C12orf76: variants seen among roughly 807,000 people sequenced by gnomAD.
C12orf76 encodes uncharacterized protein C12orf76.
Under a neutral mutation model 6.8 loss-of-function variants are expected in C12orf76, and 6 were observed. That is an observed-to-expected ratio of 0.88 (90% CI 0.48 to 1.73). The LOEUF (loss-of-function observed/expected upper bound fraction) is 1.73. Among genes scored for constraint, C12orf76 ranks in the 40% most tolerant of loss-of-function variants. The probability of loss-of-function intolerance (pLI) is 0.01; values close to 1 mark genes in which losing one functional copy is unlikely to be tolerated. For missense variants in C12orf76, 99 were observed against 98.2 expected (o/e 1.01, Z -0.03); for synonymous variants, 56 against 43.7 (o/e 1.28, Z -1.11).
At chr12:110,057,125 A>C in intron 4 of C12orf76, 1 of 1,141,016 alleles carries the variant, frequency 8.8e-7, no homozygotes. Context: ...GGTGTCCACC[A>C]TAAAGTTGTT....
chr12:110,042,623 T>C (rs1271413626), intron 1 of C12orf76, 164 bp from the exon 2 acceptor site: 3 of 704,080 alleles, frequency 4.3e-6, no homozygotes, highest in East Asian at 2.7e-5. Context: ...CTAAATATAG[T>C]TGGGGGAGAA....
At chr12:110,069,794 T>C (rs1168389173), upstream of C12orf76, among the ~76,000 whole-genome samples, 1 of 152,244 alleles carries the variant, frequency 6.6e-6, no homozygotes, top group Admixed American at 6.5e-5. Context: ...ATAATTGTAC[T>C]AGTTATATTA....
chr12:110,072,755 T>C (rs940457672), intron 1 of C12orf76, among the ~76,000 whole-genome samples: 13 of 151,840 alleles, frequency 8.6e-5, no homozygotes, highest in African/African-American at 3.1e-4. Flanking sequence ...AAACCCCGTT[T>C]CTACTAAAAA....
upstream of C12orf76, among the ~76,000 whole-genome samples, chr12:110,069,768 G>C (rs1421415008): frequency 6.6e-6 from 1 of 152,078 alleles, no homozygotes; most frequent in Non-Finnish European, 1.5e-5. Flanking sequence ...CTTACTCCAG[G>C]GAACCCAGTT....
Position 110,048,435 on chromosome 12 carries a change from C to T in C12orf76, c.61G>A (p.Ala21Thr). 6.6e-7 allele frequency: 1 copy of T among 1,509,166 alleles called. No individual in the cohort carries two copies. Among genetic ancestry groups the T allele is most frequent in the Admixed American group, 2.1e-5 (1 of 48,410 alleles). 93.5% of individuals were successfully genotyped at this position (1,509,166 alleles called of 1,614,324 possible). A position where few individuals can be genotyped will look rare whatever the true frequency, so the allele number is the denominator to read the frequency against. ...LGLCSLLVGE[A>T]EAPSPVDPLE... ...GGATCCACGGGGCTCGGGGCCTCTG[C>T]CTCCCCCACCAGGAGGCTGCAGAGG... Residue 21 changes from alanine (A) to threonine (T), a missense_variant, in exon 1 of 2, where the codon GCA (alanine) becomes ACA (threonine). Physicochemically the swap from Ala to Thr is moderately conservative, Grantham distance 58. Coordinates refer to ENST00000615315, the MANE Select transcript of C12orf76 (RefSeq NM_001389625.1).
rs1330774255 is a variant in C12orf76 at position 110,041,384 on chromosome 12, T to C, written c.*990A>G. 6.6e-6 allele frequency: 1 copy of C among 152,618 alleles called. No individual in the cohort carries two copies. Among genetic ancestry groups the C allele is most frequent in the Non-Finnish European group, 1.5e-5 (1 of 68,048 alleles). 9.5% of individuals were successfully genotyped at this position (152,618 alleles called of 1,614,324 possible). A position where few individuals can be genotyped will look rare whatever the true frequency, so the allele number is the denominator to read the frequency against. ...TTCAATTTAATAACAAAATTAAATC[T>C]AGCACCTTGAAATAAATATTGACGA... On this transcript the variant is annotated 3_prime_UTR_variant, in exon 2 of 2. Coordinates refer to ENST00000615315, the MANE Select transcript of C12orf76 (RefSeq NM_001389625.1).
At chr12:110,060,263 A>G (rs1892747506) in intron 2 of C12orf76, among the ~76,000 whole-genome samples, 1 of 151,926 alleles carries the variant, frequency 6.6e-6, no homozygotes, top group Admixed American at 6.6e-5. Context: ...TTCTCTTACC[A>G]CCACTCCATG....
upstream of C12orf76, among the ~76,000 whole-genome samples, chr12:110,068,247 AAAG>A (rs4042063): frequency 0.049 from 3,132 of 63,480 alleles, 52 homozygotes; most frequent in African/African-American, 0.052. Flanking sequence ...GAAGAAGAAG[AAAG>A]AAGAAGAAGA....
chr12:110,066,039 T>C, intron 1 of C12orf76: 1 of 1,565,282 alleles, frequency 6.4e-7, no homozygotes, highest in Non-Finnish European at 8.6e-7. Flanking sequence ...ATCACCTAGG[T>C]GTCAAGGGTG....
At chr12:110,045,937 C>T in intron 1 of C12orf76, 2 of 218,338 alleles carry the variant, frequency 9.2e-6, no homozygotes, top group Non-Finnish European at 2.0e-5. Flanking sequence ...CCAGATTGGG[C>T]AACAGAGTGA....
chr12:110,061,269 C>T (rs1002783629), intron 2 of C12orf76, among the ~76,000 whole-genome samples: 1 of 152,064 alleles, frequency 6.6e-6, no homozygotes, highest in Non-Finnish European at 1.5e-5. Context: ...TATTCCAGCA[C>T]CTATCAGTTG....
upstream of C12orf76, among the ~76,000 whole-genome samples, chr12:110,068,307 GAAGAAGAAGAAGAAGAAGAAGA>G (rs1566080218): frequency 4.1e-5 from 6 of 146,086 alleles, no homozygotes; most frequent in African/African-American, 1.5e-4. Context: ...AGAAGAAGAA[GAAGAAGAAGAAGAAGAAGAAGA>G]AGGCGGCCAA....
intron 1 of C12orf76, chr12:110,066,108 C>T (rs1288375503): frequency 1.2e-5 from 17 of 1,406,260 alleles, no homozygotes; most frequent in African/African-American, 1.2e-4. Context: ...AGGGGCAGGC[C>T]GGGCGCGGTA....
At chr12:110,042,668 T>C in intron 1 of C12orf76, 1 of 672,530 alleles carries the variant, frequency 1.5e-6, no homozygotes, top group Non-Finnish European at 2.7e-6. Flanking sequence ...TAGCTTGATA[T>C]ACCGTGAAAA....
intron 1 of C12orf76, among the ~76,000 whole-genome samples, chr12:110,066,708 C>G (rs995902172): frequency 1.3e-5 from 2 of 148,476 alleles, no homozygotes; most frequent in African/African-American, 4.9e-5. Context: ...AAAAAAAAAT[C>G]GGGAGCAGAG....
intron 1 of C12orf76, among the ~76,000 whole-genome samples, chr12:110,073,182 C>T (rs1593253709): frequency 6.6e-6 from 1 of 152,108 alleles, no homozygotes; most frequent in East Asian, 1.9e-4. Flanking sequence ...CTCTCCCTGG[C>T]GGGCCTGGAG....
At chr12:110,052,987 G>A (rs1405050652), upstream of C12orf76, among the ~76,000 whole-genome samples, 1 of 147,704 alleles carries the variant, frequency 6.8e-6, no homozygotes, top group Non-Finnish European at 1.5e-5. Context: ...CGGATCACAA[G>A]GTCAGGAGAT....
chr12:110,056,973 C>T, intron 4 of C12orf76: 1 of 568,110 alleles, frequency 1.8e-6, no homozygotes, highest in South Asian at 2.2e-5. Flanking sequence ...TGAGAACAGA[C>T]AAATACATCC....
chr12:110,042,971 T>C (rs998039320), intron 1 of C12orf76, among the ~76,000 whole-genome samples: 1 of 151,794 alleles, frequency 6.6e-6, no homozygotes, highest in African/African-American at 2.4e-5. Flanking sequence ...ACTCAGCTAC[T>C]CAGGAGGCTG....
Sources: allele counts gnomAD v4.1 joint callset (sites outside exome capture counted in the v4.1 genomes callset), GRCh38; gene constraint gnomAD v4.1.1; transcripts MANE v1.5; gene names NCBI Gene and HGNC (gene_info 2026-07-23, HGNC 2026-07-21).